The following CENPV variants were observed in gnomAD, a reference collection of about 807,000 sequenced individuals.
CENPV encodes the protein centromere protein V, also known as nuclear protein p30.
CENPV carries 15 observed loss-of-function variants against 26.4 expected under a neutral mutation model. The observed-to-expected ratio is 0.57, with a 90% CI of 0.38 to 0.88. The LOEUF (loss-of-function observed/expected upper bound fraction) is 0.88. Among genes scored for constraint, CENPV ranks in the 40% least tolerant of loss-of-function variants. CENPV has a pLI of 0.00. For synonymous variants in CENPV, 172 were observed against 165.5 expected (o/e 1.04, Z -0.30); for missense variants, 336 against 376.5 (o/e 0.89, Z 0.89).
chr17:16,345,886 C>T (rs1195723363), intron 3 of CENPV, among the ~76,000 whole-genome samples: 1 of 152,118 alleles, frequency 6.6e-6, no homozygotes, highest in Non-Finnish European at 1.5e-5. Flanking sequence ...TTAATTTATC[C>T]ACAAAGGACA....
chr17:16,344,835 A>G (rs1046710271), intron 3 of CENPV, 124 bp from the exon 4 acceptor site: 14 of 447,094 alleles, frequency 3.1e-5, no homozygotes, highest in African/African-American at 2.2e-4. Context: ...CAGTGGCGCA[A>G]TCTTGGCTCA....
intron 1 of CENPV, among the ~76,000 whole-genome samples, chr17:16,352,149 G>A (rs992299252): frequency 6.6e-6 from 1 of 152,118 alleles, no homozygotes; most frequent in African/African-American, 2.4e-5. Context: ...TGTTTTGATT[G>A]TTCTTTTTAA....
rs1433789700 is a variant in CENPV, at chr17:16,353,081, T to C, written c.356A>G (p.Gln119Arg). 2 of 1,577,978 alleles carry C rather than the reference T, an allele frequency of 1.3e-6. No individual in the cohort carries two copies. The highest frequency in any genetic ancestry group is 2.5e-5 in the East Asian group (1 of 39,304). ...CTCGGAGGTAAGCTTCTGCCGCTTC[T>C]GGAACGTCTCCCAGCGCTCCCGCTG... ...GEQRERWETFQKRQKLTSEGA... is the reference protein window; with the variant it reads ...GEQRERWETFRKRQKLTSEGA... The change falls in exon 1 of 5, where the codon CAG (glutamine) becomes CGG (arginine). Residue 119 changes from glutamine to arginine, a missense_variant. This residue lies in a region of CENPV where 155 missense variants were observed against 227.8 expected (regional missense o/e 0.68). Transcript: ENST00000299736.
At chr17:16,344,497 G>A (rs2093196425) in intron 4 of CENPV, 100 bp downstream of exon 4, 2 of 560,038 alleles carry the variant, frequency 3.6e-6, no homozygotes, top group East Asian at 3.2e-5. Context: ...CATGTGACAG[G>A]GTCTAGTCAG....
chr17:16,343,593 T>C (rs76140398), intron 4 of CENPV, among the ~76,000 whole-genome samples: 3 of 152,272 alleles, frequency 2.0e-5, no homozygotes, highest in East Asian at 3.9e-4. Context: ...TGGCCTCAGA[T>C]AGATAACTTT....
rs1314042544 is a variant in CENPV at position 16,344,770 on chromosome 17, ATTT to A, written c.580-62_580-60del. 115 of 878,298 alleles carry A rather than the reference ATTT, an allele frequency of 1.3e-4. 1 individual carries two copies. Among genetic ancestry groups the A allele is most frequent in the Middle Eastern group, 7.1e-4 (2 of 2,816 alleles). The allele number at this position is 878,298 out of a possible 1,614,324, so 54.4% of individuals were successfully genotyped here. On this transcript the variant is annotated intron_variant, in intron 3 of 4. Coordinates refer to ENST00000299736, the MANE Select transcript of CENPV (RefSeq NM_181716.3). ...ACAAAGAGATTTATTTATTTAATTT[ATTT>A]ATTTATTTATTTATTGAGACAGAGT...
At position 16,352,170 on chromosome 17, in the gene CENPV, T is replaced by C. The variant is rs368173375; in HGVS notation, c.410+857A>G. On this transcript the variant is annotated intron_variant, in intron 1 of 4. Transcript: ENST00000299736. ...GATTGTTCTTTTTAATTCGTAAAAT[T>C]GACACTGAAATATAATATCAGGGCG... is the stretch of plus-strand genomic sequence containing the variant. Among the ~76,000 whole-genome samples the C allele has an allele frequency of 5.3e-5, 8 of 152,366 alleles. No homozygotes were observed. In the East Asian group the frequency reaches 9.6e-4, roughly 18 times the overall value.
chr17:16,347,608 A>C (rs1025230649), intron 3 of CENPV: 13 of 152,122 alleles, frequency 8.5e-5, no homozygotes, highest in African/African-American at 3.1e-4. Flanking sequence ...ATTGATCCTA[A>C]AGAAGAAATT....
chr17:16,348,391 A>C, intron 3 of CENPV: 1 of 1,096,688 alleles, frequency 9.1e-7, no homozygotes, highest in Non-Finnish European at 1.2e-6. Flanking sequence ...TCCTGACTTC[A>C]GGTGATCCAT....
rs2093222708 is a variant in CENPV, at chr17:16,350,028, C to T, written c.412G>A (p.Glu138Lys). The T allele has an allele frequency of 6.2e-7, 1 of 1,609,638 alleles. No homozygotes were observed. The highest frequency in any genetic ancestry group is 8.5e-7 in the Non-Finnish European group (1 of 1,178,974). ...GAAKLLLDTF[E>K]YQGLVKHTGG... Reference sequence around the variant, plus strand: ...GTGTGCTTCACCAGGCCCTGGTATTCACTAAATGAAACAAAAATCAGAAAG... The same window carrying T: ...GTGTGCTTCACCAGGCCCTGGTATTTACTAAATGAAACAAAAATCAGAAAG... The change falls in exon 2 of 5, where the codon GAA becomes AAA. Residue 138 changes from glutamate to lysine, a missense_variant and splice_region_variant. Transcript: ENST00000299736.
chr17:16,351,730 T>C (rs2093229972), intron 1 of CENPV: 1 of 152,224 alleles, frequency 6.6e-6, no homozygotes, highest in African/African-American at 2.4e-5. Flanking sequence ...AAACAGCTTT[T>C]TTATGTCAAT....
intron 4 of CENPV, among the ~76,000 whole-genome samples, chr17:16,343,341 CT>C (rs1002987235): frequency 6.6e-6 from 1 of 151,940 alleles, no homozygotes; most frequent in East Asian, 1.9e-4. Flanking sequence ...ACTTTCTTTC[CT>C]TTTTTTTCAG....
In CENPV at chr17:16,343,307, G is replaced by A. The variant is rs577417272; in HGVS notation, c.695-366C>T. On this transcript the variant is annotated intron_variant, in intron 4 of 4. Transcript: ENST00000299736. The stretch of plus-strand genomic sequence containing the variant: ...GACTGGCAGCCTGAAGAATTCACAG[G>A]CCTTTCCTGTGTTTAGATAGATAAC... Among the ~76,000 whole-genome samples the A allele has an allele frequency of 2.0e-5, 3 of 152,286 alleles. No individual in the cohort carries two copies. The South Asian group carries it at 6.2e-4, about 32-fold the overall frequency.
In CENPV at chr17:16,353,160, GCGGCGGCGGCGGTGGCGGGAGCAA is replaced by G; in HGVS notation, c.253_276del (p.Leu85_Pro92del). ...GACGTCGGGGTCGCGGGAGTCGGCG[GCGGCGGCGGCGGTGGCGGGAGCAA>G]CGCCAGCTCAGGCGGCGGCGGCTCC... On this transcript the variant is annotated inframe_deletion, in exon 1 of 5. Transcript: ENST00000299736. 6.9e-7 allele frequency: 1 copy of G among 1,449,806 alleles called. No homozygotes were observed. Among genetic ancestry groups the G allele is most frequent in the Non-Finnish European group, 9.1e-7 (1 of 1,104,844 alleles). The allele number at this position is 1,449,806 out of a possible 1,614,324, so 89.8% of individuals were successfully genotyped here.
rs533840096 is a variant in CENPV at position 16,347,222 on chromosome 17, G to T, written c.579+1394C>A. 2.6e-5 allele frequency among the ~76,000 whole-genome samples: 4 copies of T among 152,270 alleles called. No individual in the cohort carries two copies. In the South Asian group the frequency reaches 6.2e-4, roughly 24 times the overall value. On this transcript the variant is annotated intron_variant, in intron 3 of 4. Coordinates refer to ENST00000299736, the MANE Select transcript of CENPV (RefSeq NM_181716.3). The stretch of plus-strand genomic sequence containing the variant: ...AAACAGTGGCTTACCTTTAGGGAGA[G>T]AAATCAGACAGCTGAAGGGGAAGGG...
chr17:16,343,376 A>G (rs1159064747), intron 4 of CENPV, among the ~76,000 whole-genome samples: 1 of 152,174 alleles, frequency 6.6e-6, no homozygotes, highest in African/African-American at 2.4e-5. Context: ...CTTGTTGCCC[A>G]GGCTGGAGTA....
intron 4 of CENPV, 190 bp downstream of exon 4, chr17:16,344,407 G>A (rs1460054685): frequency 3.2e-5 from 11 of 349,146 alleles, no homozygotes; most frequent in Middle Eastern, 7.8e-4. Flanking sequence ...ATGGGATTCA[G>A]AAAAGTTTCA....
Position 16,348,613 on chromosome 17 carries a change from G to C in CENPV, c.579+3C>G. 1 of 1,613,940 alleles carries C rather than the reference G, an allele frequency of 6.2e-7. No individual in the cohort carries two copies. ...CTCCTTGACCCTGCTCTTAAGCACT[G>C]ACCTTCAGGAGCTTGAAGCGAGAAG... On this transcript the variant is annotated splice_donor_region_variant and intron_variant, in intron 3 of 4. Coordinates refer to ENST00000299736, the MANE Select transcript of CENPV (RefSeq NM_181716.3).
chr17:16,344,629 A>C lies in CENPV; in HGVS notation c.662T>G (p.Phe221Cys). The change falls in exon 4 of 5, where the codon TTC (phenylalanine) becomes TGC (cysteine). Residue 221 changes from phenylalanine to cysteine, a missense_variant. Phe to Cys is a radical substitution (Grantham distance 205, BLOSUM62 -2). Transcript: ENST00000299736. The stretch of plus-strand genomic sequence containing the variant: ...TCCGGGGTTTGATCGTGGAGTATAG[A>C]AGCTCTGAACGCCACATCTCTTACA... Reference protein sequence around the residue: ...TFCKRCGVQSFYTPRSNPGGF... With the variant: ...TFCKRCGVQSCYTPRSNPGGF... 1 of 1,598,024 alleles carries C rather than the reference A, an allele frequency of 6.3e-7. No homozygotes were observed.
Sources: allele counts gnomAD v4.1 joint callset (sites outside exome capture counted in the v4.1 genomes callset), GRCh38; gene constraint gnomAD v4.1.1; regional missense constraint gnomAD v4.1.1; transcripts MANE v1.5; gene names NCBI Gene and HGNC (gene_info 2026-07-23, HGNC 2026-07-21).